OXSR1: variants seen among roughly 807,000 people sequenced by gnomAD.
OXSR1 encodes the protein oxidative stress responsive kinase 1, also known as serine/threonine-protein kinase OSR1.
Under a neutral mutation model 79.8 loss-of-function variants are expected in OXSR1, and 24 were observed. The ratio of observed to expected loss-of-function variants is 0.30; its 90% CI spans 0.22 to 0.42. The LOEUF is 0.42. Ranked by LOEUF, OXSR1 falls within the 10% of genes least tolerant of loss-of-function variation. The probability of loss-of-function intolerance (pLI) is 1.00; values close to 1 mark genes in which losing one functional copy is unlikely to be tolerated. For missense variants in OXSR1, 430 were observed against 618.4 expected (o/e 0.70, Z 3.23); for synonymous variants, 226 against 209.2 (o/e 1.08, Z -0.69).
At chr3:38,218,780 T>A (rs1702533974) in intron 5 of OXSR1, among the ~76,000 whole-genome samples, 1 of 152,010 alleles carries the variant, frequency 6.6e-6, no homozygotes, top group Non-Finnish European at 1.5e-5. Flanking sequence ...GTTTTAAGAG[T>A]TTTTATAGTT....
In OXSR1 at chr3:38,184,903, C is replaced by CTTTTTTT. The variant is rs1213000624; in HGVS notation, c.183+1830_183+1836dup. On this transcript the variant is annotated intron_variant, in intron 2 of 17. Coordinates refer to ENST00000311806, the MANE Select transcript of OXSR1 (RefSeq NM_005109.3). ...TAGTTCAAAAGTAGAAAGAACATTT[C>CTTTTTTT]TTTTTTTTTTTTTTTTTTTTTTTTT... Among the ~76,000 whole-genome samples the CTTTTTTT allele has an allele frequency of 2.6e-4, 6 of 22,888 alleles. 2 individuals carry two copies. Among genetic ancestry groups the CTTTTTTT allele is most frequent in the African/African-American group, 1.3e-4 (1 of 7,836 alleles). The allele number at this position is 22,888 out of a possible 152,430, so 15.0% of individuals were successfully genotyped here.
At chr3:38,238,212 A>G (rs1194144641) in intron 11 of OXSR1, among the ~76,000 whole-genome samples, 3 of 152,138 alleles carry the variant, frequency 2.0e-5, no homozygotes, top group Admixed American at 6.5e-5. Flanking sequence ...TTATCTTTAT[A>G]GCATTTTTGA....
intron 7 of OXSR1, among the ~76,000 whole-genome samples, chr3:38,224,266 G>C (rs34123407): frequency 6.6e-6 from 1 of 152,114 alleles, no homozygotes; most frequent in Non-Finnish European, 1.5e-5. Flanking sequence ...GTTTATCTTT[G>C]CATGGCTAGC....
intron 1 of OXSR1, among the ~76,000 whole-genome samples, chr3:38,169,962 G>A (rs1701545849): frequency 6.6e-6 from 1 of 151,396 alleles, no homozygotes; most frequent in African/African-American, 2.4e-5. Flanking sequence ...ATTCCTGATC[G>A]CTCAAGCGAT....
At chr3:38,183,386 C>T (rs952193518) in intron 2 of OXSR1, among the ~76,000 whole-genome samples, 1 of 152,084 alleles carries the variant, frequency 6.6e-6, no homozygotes, top group African/African-American at 2.4e-5. Flanking sequence ...TAGTCAGATT[C>T]TTGCTCTTTT....
intron 10 of OXSR1, among the ~76,000 whole-genome samples, chr3:38,235,566 A>G (rs1702901915): frequency 6.6e-6 from 1 of 152,190 alleles, no homozygotes; most frequent in Non-Finnish European, 1.5e-5. Context: ...ACTCAGCACA[A>G]TTAATGAAAA....
intron 1 of OXSR1, among the ~76,000 whole-genome samples, chr3:38,172,285 G>A (rs556929490): frequency 4.8e-4 from 73 of 152,090 alleles, no homozygotes; most frequent in Non-Finnish European, 6.9e-4. Flanking sequence ...CCTCATTCAG[G>A]TTTAGATGGA....
intron 6 of OXSR1, among the ~76,000 whole-genome samples, chr3:38,222,763 G>A (rs34161858): frequency 1.7e-3 from 262 of 152,160 alleles, no homozygotes; most frequent in African/African-American, 6.1e-3. Context: ...AGAAATTAAG[G>A]TGATAATACC....
At chr3:38,241,464 TATATC>T (rs1251332601) in intron 11 of OXSR1, among the ~76,000 whole-genome samples, 1 of 152,162 alleles carries the variant, frequency 6.6e-6, no homozygotes, top group Non-Finnish European at 1.5e-5. Flanking sequence ...ATAAAAGTAT[TATATC>T]ATGTTAAATT....
At chr3:38,213,097 T>C (rs1392283) in intron 4 of OXSR1, among the ~76,000 whole-genome samples, 5,315 of 152,300 alleles carry the variant, frequency 0.035, 149 homozygotes, top group East Asian at 0.095. Context: ...GATTATTGTC[T>C]CTTCACTTAT....
rs375157082 is a variant in OXSR1 at position 38,190,852 on chromosome 3, C to T, written c.292+13C>T. On this transcript the variant is annotated intron_variant, in intron 3 of 17. Coordinates refer to ENST00000311806, the MANE Select transcript of OXSR1 (RefSeq NM_005109.3). Reference sequence around the variant, plus strand: ...CTGCTAAGTGGAGGTGAGTAGAGTACAAGGAAATGCTATAAGTACCATGGT... The same window carrying T: ...CTGCTAAGTGGAGGTGAGTAGAGTATAAGGAAATGCTATAAGTACCATGGT... The T allele has an allele frequency of 7.5e-7, 1 of 1,326,162 alleles. No individual in the cohort carries two copies. Among genetic ancestry groups the T allele is most frequent in the South Asian group, 1.2e-5 (1 of 84,188 alleles). 82.1% of individuals were successfully genotyped at this position (1,326,162 alleles called of 1,614,324 possible).
At chr3:38,203,238 C>T (rs1346046763) in intron 4 of OXSR1, among the ~76,000 whole-genome samples, 1 of 152,192 alleles carries the variant, frequency 6.6e-6, no homozygotes, top group Non-Finnish European at 1.5e-5. Context: ...GAAGGGCCCC[C>T]TGTCCTATGA....
chr3:38,177,162 C>G (rs1395184346), intron 1 of OXSR1, among the ~76,000 whole-genome samples: 1 of 152,228 alleles, frequency 6.6e-6, no homozygotes, highest in East Asian at 1.9e-4. Context: ...TCTCCTGTGA[C>G]TTGAGAAATG....
chr3:38,245,929 A>G, intron 12 of OXSR1, 146 bp from the exon 13 acceptor site: 1 of 645,170 alleles, frequency 1.5e-6, no homozygotes, highest in Non-Finnish European at 2.8e-6. Context: ...TCCGTTTGGA[A>G]TAGATATATT....
At chr3:38,207,196 G>A (rs552937792) in intron 4 of OXSR1, among the ~76,000 whole-genome samples, 1 of 152,226 alleles carries the variant, frequency 6.6e-6, no homozygotes. Context: ...AGGCATGGTT[G>A]CATCTTTTAC....
chr3:38,199,499 G>T (rs541241948), intron 4 of OXSR1, among the ~76,000 whole-genome samples: 15 of 152,062 alleles, frequency 9.9e-5, no homozygotes, highest in African/African-American at 3.4e-4. Flanking sequence ...AAAGTGCTGG[G>T]ATTACAGGCA....
At chr3:38,206,232 T>G (rs948933015) in intron 4 of OXSR1, among the ~76,000 whole-genome samples, 4 of 152,124 alleles carry the variant, frequency 2.6e-5, no homozygotes, top group African/African-American at 9.7e-5. Context: ...GCTTATACAA[T>G]GGGTCTAGAG....
chr3:38,243,362 G>C (rs1252194190), intron 12 of OXSR1, among the ~76,000 whole-genome samples: 1 of 152,110 alleles, frequency 6.6e-6, no homozygotes, highest in Non-Finnish European at 1.5e-5. Context: ...ATTTGTTTGC[G>C]AATTTGTCAA....
intron 1 of OXSR1, among the ~76,000 whole-genome samples, chr3:38,180,401 A>C (rs1701760109): frequency 6.6e-6 from 1 of 152,128 alleles, no homozygotes; most frequent in South Asian, 2.1e-4. Flanking sequence ...TATTTCATAT[A>C]ACTGGAATCA....
Sources: allele counts gnomAD v4.1 joint callset (sites outside exome capture counted in the v4.1 genomes callset), GRCh38; gene constraint gnomAD v4.1.1; transcripts MANE v1.5; gene names NCBI Gene and HGNC (gene_info 2026-07-23, HGNC 2026-07-21).